USP15: variants seen among roughly 807,000 people sequenced by gnomAD.
USP15 encodes ubiquitin carboxyl-terminal hydrolase 15.
A neutral mutation model predicts 127.1 loss-of-function variants in USP15; 18 were observed. The ratio of observed to expected loss-of-function variants is 0.14; its 90% CI spans 0.10 to 0.21. USP15 has a LOEUF of 0.21. USP15 is among the 10% of genes least tolerant of loss of function. The pLI, the probability that USP15 is intolerant of heterozygous loss-of-function variation, is 1.00. For synonymous variants in USP15, 364 were observed against 393.7 expected (o/e 0.92, Z 0.89); for missense variants, 805 against 1,159.9 (o/e 0.69, Z 4.44).
At chr12:62,381,131 G>T (rs1688022364) in intron 8 of USP15, among the ~76,000 whole-genome samples, 2 of 152,072 alleles carry the variant, frequency 1.3e-5, no homozygotes, top group Admixed American at 1.3e-4. Context: ...AGGCTAATTT[G>T]CAGGTGCCTG....
At position 62,409,422 on chromosome 12, in the gene USP15, A is replaced by C. The variant is rs1006089859; in HGVS notation, c.*5047A>C. On this transcript the variant is annotated 3_prime_UTR_variant, in exon 22 of 22. Transcript: ENST00000280377. ...TTACAAAGCAGCTAAAAATACAACT[A>C]TCTCTCTGGAATTGAAAATGTGTAA... The C allele has an allele frequency of 6.6e-6, 1 of 152,138 alleles. No homozygotes were observed. Among genetic ancestry groups the C allele is most frequent in the Admixed American group, 6.5e-5 (1 of 15,270 alleles). The allele number at this position is 152,138 out of a possible 1,614,324, so 9.4% of individuals were successfully genotyped here.
At position 62,335,065 on chromosome 12, in the gene USP15, A is replaced by G. The variant is rs144569758; in HGVS notation, c.683+9132A>G. On this transcript the variant is annotated intron_variant, in intron 6 of 21. Transcript: ENST00000280377. ...TCTGTCTGAGGGCACGATATGTTAC[A>G]CCTAGCCCAAACTGGCCAAAATTAG... The G allele has an allele frequency of 9.3e-4, 1,049 of 1,128,066 alleles. 10 individuals carry two copies. In the East Asian group the frequency reaches 0.017, roughly 18 times the overall value. The allele number at this position is 1,128,066 out of a possible 1,614,324, so 69.9% of individuals were successfully genotyped here.
chr12:62,264,064 C>T (rs541101976), intron 1 of USP15, among the ~76,000 whole-genome samples: 11 of 152,214 alleles, frequency 7.2e-5, no homozygotes, highest in African/African-American at 2.4e-4. Flanking sequence ...CTCGGCTCAC[C>T]GCAACCACCT....
At chr12:62,390,054 A>T in intron 14 of USP15, 66 bp downstream of exon 14, 1 of 1,375,400 alleles carries the variant, frequency 7.3e-7, no homozygotes, top group African/African-American at 1.5e-5. Context: ...TAGCTAATAA[A>T]AATAAACACA....
intron 3 of USP15, among the ~76,000 whole-genome samples, chr12:62,307,498 T>G (rs1592551065): frequency 6.6e-6 from 1 of 152,066 alleles, no homozygotes; most frequent in African/African-American, 2.4e-5. Context: ...TTTGGGTGTA[T>G]GGGGGGCAGA....
chr12:62,299,129 T>C (rs2137177584), intron 2 of USP15, among the ~76,000 whole-genome samples: 1 of 152,300 alleles, frequency 6.6e-6, no homozygotes, highest in Middle Eastern at 3.4e-3. Context: ...TTTTTTTGTT[T>C]ATTTTATTTT....
Position 62,355,483 on chromosome 12 carries a change from T to C in USP15, c.915+8T>C. On this transcript the variant is annotated splice_region_variant and intron_variant, in intron 8 of 21. Coordinates refer to ENST00000280377, the MANE Select transcript of USP15 (RefSeq NM_001252078.2). ...ATGAACTCAGCTATTCAGGTAGGTC[T>C]TTGTAAACAAAATGAAACTCATGTT... 1 of 1,575,172 alleles carries C rather than the reference T, an allele frequency of 6.3e-7. No homozygotes were observed. Among genetic ancestry groups the C allele is most frequent in the Non-Finnish European group, 8.6e-7 (1 of 1,164,606 alleles).
intron 3 of USP15, among the ~76,000 whole-genome samples, chr12:62,309,330 G>A (rs1484116317): frequency 1.3e-5 from 2 of 152,010 alleles, no homozygotes; most frequent in Non-Finnish European, 1.5e-5. Flanking sequence ...AGATGAAGTG[G>A]ATAATTTCTA....
intron 8 of USP15, among the ~76,000 whole-genome samples, chr12:62,378,074 G>T (rs560325573): frequency 3.9e-5 from 6 of 152,106 alleles, no homozygotes; most frequent in African/African-American, 1.4e-4. Flanking sequence ...AGGTGCGGTG[G>T]TGGGCGCCTA....
intron 6 of USP15, among the ~76,000 whole-genome samples, chr12:62,331,083 T>C (rs963712666): frequency 3.3e-5 from 5 of 152,222 alleles, no homozygotes; most frequent in African/African-American, 1.2e-4. Context: ...CTCAAAATTC[T>C]CACATTTGCC....
At position 62,316,694 on chromosome 12, in the gene USP15, C is replaced by A. The variant is rs377193251; in HGVS notation, c.475+1778C>A. Among the ~76,000 whole-genome samples the A allele has an allele frequency of 7.5e-4, 114 of 151,994 alleles. No homozygotes were observed. In the East Asian group the frequency reaches 0.018, roughly 24 times the overall value. Reference sequence around the variant, plus strand: ...TTTGATAGGAAAATTAAATATGAGACCATCAGAGATATTATTTTAGAACAT... The same window carrying A: ...TTTGATAGGAAAATTAAATATGAGAACATCAGAGATATTATTTTAGAACAT... On this transcript the variant is annotated intron_variant, in intron 4 of 21. Coordinates refer to ENST00000280377, the MANE Select transcript of USP15 (RefSeq NM_001252078.2).
chr12:62,400,653 A>T (rs1226815824), intron 20 of USP15, among the ~76,000 whole-genome samples: 1 of 151,870 alleles, frequency 6.6e-6, no homozygotes, highest in Non-Finnish European at 1.5e-5. Context: ...GAGTAGAGGT[A>T]TCAGAAAAGA....
intron 1 of USP15, among the ~76,000 whole-genome samples, chr12:62,263,284 T>G (rs943883117): frequency 6.6e-6 from 1 of 152,196 alleles, no homozygotes; most frequent in Admixed American, 6.5e-5. Flanking sequence ...CTGATTGGGC[T>G]GTTGAGAAAA....
chr12:62,401,500 T>A (rs1191033259), intron 21 of USP15, among the ~76,000 whole-genome samples: 1 of 151,896 alleles, frequency 6.6e-6, no homozygotes, highest in Non-Finnish European at 1.5e-5. Flanking sequence ...GGTGAAAAAA[T>A]TTTTGGTAGT....
intron 6 of USP15, among the ~76,000 whole-genome samples, chr12:62,331,221 G>T (rs1274590944): frequency 6.6e-6 from 1 of 152,138 alleles, no homozygotes; most frequent in African/African-American, 2.4e-5. Flanking sequence ...AAACACCAAA[G>T]AAAGATAATT....
At chr12:62,334,391 A>C (rs1263859127) in intron 6 of USP15, among the ~76,000 whole-genome samples, 10 of 152,214 alleles carry the variant, frequency 6.6e-5, no homozygotes, top group Admixed American at 6.5e-4. Context: ...TATATGTAAA[A>C]GTAAGCAGTC....
chr12:62,335,066 C>A, intron 6 of USP15: 1 of 1,158,170 alleles, frequency 8.6e-7, no homozygotes, highest in Non-Finnish European at 1.2e-6. Context: ...ATATGTTACA[C>A]CTAGCCCAAA....
intron 6 of USP15, chr12:62,335,268 A>G (rs1462342183): frequency 2.0e-5 from 30 of 1,514,658 alleles, no homozygotes; most frequent in Non-Finnish European, 2.5e-5. Flanking sequence ...TGACCAGTCA[A>G]CCCCTAAATA....
At chr12:62,325,631 TAC>T (rs1326994123) in intron 5 of USP15, among the ~76,000 whole-genome samples, 1 of 152,118 alleles carries the variant, frequency 6.6e-6, no homozygotes, top group African/African-American at 2.4e-5. Context: ...ATAGTTTCTT[TAC>T]AGTTTATCTT....
Sources: allele counts gnomAD v4.1 joint callset (sites outside exome capture counted in the v4.1 genomes callset), GRCh38; gene constraint gnomAD v4.1.1; transcripts MANE v1.5; gene names NCBI Gene and HGNC (gene_info 2026-07-23, HGNC 2026-07-21).